Variants in ELOVL6 observed in about 807,000 individuals in gnomAD.
ELOVL6 encodes the protein ELOVL fatty acid elongase 6.
A neutral mutation model predicts 31.7 loss-of-function variants in ELOVL6; 8 were observed. The ratio of observed to expected loss-of-function variants is 0.25; its 90% CI spans 0.15 to 0.45. The LOEUF is 0.45. Ranked by LOEUF, ELOVL6 falls within the 20% of genes least tolerant of loss-of-function variation. The probability of loss-of-function intolerance (pLI) is 1.00; values close to 1 mark genes in which losing one functional copy is unlikely to be tolerated. For synonymous variants in ELOVL6, 101 were observed against 117.7 expected (o/e 0.86, Z 0.92); for missense variants, 126 against 326.4 (o/e 0.39, Z 4.73).
chr4:110,120,818 T>TTG (rs70956404), intron 1 of ELOVL6, among the ~76,000 whole-genome samples: 10 of 147,296 alleles, frequency 6.8e-5, no homozygotes, highest in Admixed American at 2.7e-4. Context: ...TTTTTTTTTT[T>TTG]GAAACAGAGT....
chr4:110,190,991 G>T (rs1268062389), intron 1 of ELOVL6, among the ~76,000 whole-genome samples: 1 of 151,616 alleles, frequency 6.6e-6, no homozygotes, highest in East Asian at 1.9e-4. Context: ...GCTAATTTTT[G>T]TATTTTTTGT....
At chr4:110,105,435 T>C in intron 2 of ELOVL6, 62 bp downstream of exon 2, 3 of 1,462,728 alleles carry the variant, frequency 2.1e-6, no homozygotes, top group African/African-American at 1.4e-5. Context: ...TGCTCAATCA[T>C]TGCATTCTTT....
intron 2 of ELOVL6, among the ~76,000 whole-genome samples, chr4:110,084,223 A>ATG (rs1407983860): frequency 1.2e-4 from 7 of 56,068 alleles, no homozygotes; most frequent in African/African-American, 5.4e-4. Context: ...TATAACTTAT[A>ATG]TGATATATAT....
In ELOVL6 at chr4:110,049,493, C is replaced by T. The variant is rs1206776789; in HGVS notation, c.*1845G>A. The T allele has an allele frequency of 6.6e-6, 1 of 152,496 alleles. No individual in the cohort carries two copies. The highest frequency in any genetic ancestry group is 1.5e-5 in the Non-Finnish European group (1 of 68,014). 9.4% of individuals were successfully genotyped at this position (152,496 alleles called of 1,614,324 possible). A position where few individuals can be genotyped will look rare whatever the true frequency, so the allele number is the denominator to read the frequency against. On this transcript the variant is annotated 3_prime_UTR_variant, in exon 4 of 4. Coordinates refer to ENST00000302274, the MANE Select transcript of ELOVL6 (RefSeq NM_024090.3). ...AAGCAGAGCAGCTCTGTTTCATGAA[C>T]GACAGCACAATTAAAGCTAAAATAA...
At chr4:110,173,683 A>G (rs1759019266) in intron 1 of ELOVL6, among the ~76,000 whole-genome samples, 1 of 147,680 alleles carries the variant, frequency 6.8e-6, no homozygotes, top group South Asian at 2.1e-4. Flanking sequence ...TAATAATAAT[A>G]ATAATAATAA....
At chr4:110,154,919 G>C (rs1215237973) in intron 1 of ELOVL6, among the ~76,000 whole-genome samples, 1 of 152,186 alleles carries the variant, frequency 6.6e-6, no homozygotes, top group East Asian at 1.9e-4. Context: ...AGAGAGATCT[G>C]AGTCCAACTT....
chr4:110,082,471 A>C (rs1290128056), intron 2 of ELOVL6, among the ~76,000 whole-genome samples: 1 of 152,024 alleles, frequency 6.6e-6, no homozygotes, highest in Non-Finnish European at 1.5e-5. Context: ...GGAAACCATC[A>C]TTCTCAGCAA....
intron 3 of ELOVL6, among the ~76,000 whole-genome samples, chr4:110,056,129 G>GGGC (rs1553953532): frequency 0.065 from 9,282 of 143,218 alleles, 984 homozygotes; most frequent in African/African-American, 0.23. Context: ...AGCTGGGGGG[G>GGGC]GGGATACAGT....
At chr4:110,173,614 T>C (rs1759016215) in intron 1 of ELOVL6, among the ~76,000 whole-genome samples, 1 of 145,944 alleles carries the variant, frequency 6.9e-6, no homozygotes, top group Admixed American at 6.8e-5. Flanking sequence ...ATGGACTGTT[T>C]AATAACAGGG....
chr4:110,141,355 G>A (rs776928511), intron 1 of ELOVL6, among the ~76,000 whole-genome samples: 6 of 152,176 alleles, frequency 3.9e-5, no homozygotes, highest in Middle Eastern at 3.4e-3. Flanking sequence ...AAGCCACCGT[G>A]CCCGGCTGGA....
chr4:110,067,135 T>C (rs1461923812), intron 2 of ELOVL6, among the ~76,000 whole-genome samples: 1 of 152,208 alleles, frequency 6.6e-6, no homozygotes, highest in Admixed American at 6.5e-5. Context: ...GGGGCATAGG[T>C]TGTAATTTTT....
At chr4:110,138,841 G>A (rs555390868) in intron 1 of ELOVL6, among the ~76,000 whole-genome samples, 1 of 152,198 alleles carries the variant, frequency 6.6e-6, no homozygotes, top group African/African-American at 2.4e-5. Flanking sequence ...ATCCAAAAAT[G>A]ATTACAGATT....
chr4:110,197,054 T>C (rs909183435), intron 1 of ELOVL6, among the ~76,000 whole-genome samples: 1 of 152,218 alleles, frequency 6.6e-6, no homozygotes, highest in South Asian at 2.1e-4. Context: ...TGGTTTCCAG[T>C]TGAAGAGGGC....
At position 110,084,315 on chromosome 4, in the gene ELOVL6, T is replaced by C. The variant is rs1344296876; in HGVS notation, c.221+21182A>G. ...TATATATGATATATAACATATAACA[T>C]ATATAAATTTGATATATATCACATA... On this transcript the variant is annotated intron_variant, in intron 2 of 3. Transcript: ENST00000302274. 1.7e-3 allele frequency among the ~76,000 whole-genome samples: 80 copies of C among 46,852 alleles called. 13 individuals are homozygous for C. Among genetic ancestry groups the C allele is most frequent in the Non-Finnish European group, 1.9e-3 (50 of 26,300 alleles). The allele number at this position is 46,852 out of a possible 152,430, so 30.7% of individuals were successfully genotyped here.
intron 2 of ELOVL6, among the ~76,000 whole-genome samples, chr4:110,074,409 C>T (rs1037120900): frequency 6.6e-6 from 1 of 152,064 alleles, no homozygotes; most frequent in African/African-American, 2.4e-5. Context: ...GTAATTTCAG[C>T]CAGGGGAGGG....
intron 2 of ELOVL6, among the ~76,000 whole-genome samples, chr4:110,090,676 C>T (rs1411682991): frequency 4.9e-5 from 7 of 141,600 alleles, no homozygotes; most frequent in Non-Finnish European, 4.5e-5. Flanking sequence ...ATGATCTCAG[C>T]TCACTGAAAC....
intron 2 of ELOVL6, among the ~76,000 whole-genome samples, chr4:110,094,117 C>T (rs1486470431): frequency 1.3e-5 from 2 of 151,594 alleles, no homozygotes; most frequent in Admixed American, 6.6e-5. Flanking sequence ...GGTGCGGTGG[C>T]ATGCGTCTGT....
chr4:110,135,006 G>A (rs1166997474), intron 1 of ELOVL6, among the ~76,000 whole-genome samples: 1 of 151,962 alleles, frequency 6.6e-6, no homozygotes, highest in East Asian at 1.9e-4. Flanking sequence ...AACTATGAAG[G>A]GCCTTATATT....
intron 2 of ELOVL6, among the ~76,000 whole-genome samples, chr4:110,089,405 G>T (rs1756356926): frequency 6.6e-6 from 1 of 152,102 alleles, no homozygotes; most frequent in Non-Finnish European, 1.5e-5. Flanking sequence ...ATATATGTAG[G>T]TTCCTCAGGG....
Sources: gnomAD v4.1 joint callset for allele counts (sites outside exome capture counted in the v4.1 genomes callset) on GRCh38, gnomAD v4.1.1 for gene constraint, MANE v1.5 for transcripts, NCBI Gene and HGNC (gene_info 2026-07-23, HGNC 2026-07-21) for gene names.